The following MINDY4 variants were observed in gnomAD, a reference collection of about 807,000 sequenced individuals.
The protein encoded by MINDY4 is MINDY lysine 48 deubiquitinase 4.
In MINDY4, 68 loss-of-function variants were observed where a neutral mutation model predicts 87.0. The ratio of observed to expected loss-of-function variants is 0.78; its 90% CI spans 0.64 to 0.96. MINDY4 has a LOEUF of 0.96. Ranked by LOEUF, MINDY4 falls within the 40% of genes least tolerant of loss-of-function variation. The pLI is 0.00. For missense variants in MINDY4, 919 were observed against 928.2 expected (o/e 0.99, Z 0.13); for synonymous variants, 379 against 363.2 (o/e 1.04, Z -0.50).
intron 17 of MINDY4, among the ~76,000 whole-genome samples, chr7:30,885,140 A>G (rs928951412): frequency 6.6e-6 from 1 of 152,246 alleles, no homozygotes; most frequent in Non-Finnish European, 1.5e-5. Flanking sequence ...CACAGGGGCT[A>G]AGAGGAGCCC....
In MINDY4 at chr7:30,809,196, G is replaced by A. The variant is rs570474433; in HGVS notation, c.1073+17622G>A. Among the ~76,000 whole-genome samples, 5 of 152,150 alleles carry A rather than the reference G, an allele frequency of 3.3e-5. No individual in the cohort carries two copies. The East Asian group carries it at 5.8e-4, about 18-fold the overall frequency. ...GTCAGTGTAAACAAGGGTGTATCCC[G>A]AAAGCACTGAGGCCTTCCTATCAAA... On this transcript the variant is annotated intron_variant, in intron 5 of 17. Coordinates refer to ENST00000265299, the MANE Select transcript of MINDY4 (RefSeq NM_032222.3).
intron 5 of MINDY4, among the ~76,000 whole-genome samples, chr7:30,821,477 T>C (rs1423148816): frequency 2.0e-5 from 3 of 152,224 alleles, no homozygotes; most frequent in Non-Finnish European, 2.9e-5. Flanking sequence ...TGTAACTGTT[T>C]ATAGGTAATC....
At chr7:30,778,692 C>G in intron 2 of MINDY4, 141 bp downstream of exon 2, 1 of 989,420 alleles carries the variant, frequency 1.0e-6, no homozygotes, top group South Asian at 1.5e-5. Context: ...AACGGACCCC[C>G]CAAATGTGGA....
intron 13 of MINDY4, 24 bp from the exon 14 acceptor site, chr7:30,872,219 A>G (rs371211577): frequency 6.2e-7 from 1 of 1,613,646 alleles, no homozygotes. Flanking sequence ...GAGCTGTGCT[A>G]ACAATGCTTC....
chr7:30,834,983 T>C (rs1371244362), intron 6 of MINDY4, among the ~76,000 whole-genome samples: 2 of 152,232 alleles, frequency 1.3e-5, no homozygotes, highest in Non-Finnish European at 2.9e-5. Flanking sequence ...GTTTCAAACT[T>C]TCCCACATTT....
intron 12 of MINDY4, among the ~76,000 whole-genome samples, chr7:30,856,352 G>A (rs569081974): frequency 1.0e-3 from 154 of 152,188 alleles, no homozygotes; most frequent in Non-Finnish European, 1.7e-3. Context: ...TGGAATATTG[G>A]TGCCATTTAG....
rs775985216 is a variant in MINDY4, at chr7:30,872,323, G to A, written c.1809+17G>A. On this transcript the variant is annotated intron_variant, in intron 14 of 17. Coordinates refer to ENST00000265299, the MANE Select transcript of MINDY4 (RefSeq NM_032222.3). ...TGTACACAGGTCAGGGGGCGCTGTGGGGCCCAGGTGGTCCTTCCCCCTCCT... is the reference window on the plus strand; with the variant it reads ...TGTACACAGGTCAGGGGGCGCTGTGAGGCCCAGGTGGTCCTTCCCCCTCCT... 6.2e-7 allele frequency: 1 copy of A among 1,612,798 alleles called. No homozygotes were observed. The highest frequency in any genetic ancestry group is 1.3e-5 in the African/African-American group (1 of 74,916).
chr7:30,840,555 A>T (rs1788999256), intron 8 of MINDY4, among the ~76,000 whole-genome samples: 1 of 152,166 alleles, frequency 6.6e-6, no homozygotes, highest in Non-Finnish European at 1.5e-5. Context: ...CCCTTCCCCT[A>T]GGAGTGGACA....
intron 13 of MINDY4, among the ~76,000 whole-genome samples, chr7:30,867,899 C>T (rs530661291): frequency 1.5e-4 from 23 of 152,268 alleles, no homozygotes; most frequent in Non-Finnish European, 2.8e-4. Context: ...CACTTGTGCA[C>T]ATCCTAGGAG....
At chr7:30,818,046 TTC>T (rs1436836081) in intron 5 of MINDY4, among the ~76,000 whole-genome samples, 1 of 152,180 alleles carries the variant, frequency 6.6e-6, no homozygotes, top group African/African-American at 2.4e-5. Context: ...GCAGGGATGC[TTC>T]CAATGCCTCA....
chr7:30,828,694 G>T lies in MINDY4; in HGVS notation c.1089G>T (p.Leu363=). 15 of 1,613,930 alleles carry T rather than the reference G, an allele frequency of 9.3e-6. No individual in the cohort carries two copies. The highest frequency in any genetic ancestry group is 1.3e-5 in the Non-Finnish European group (15 of 1,180,026). The change falls in exon 6 of 18, where the codon CTG becomes CTT. Residue 363 remains leucine (L), a synonymous_variant. Transcript: ENST00000265299. Reference sequence around the variant, plus strand: ...TATTTTCCAGGAAAAATCAGTTGCTGCCGTCTGACAAGGTGGATGGTGAGC... The same window carrying T: ...TATTTTCCAGGAAAAATCAGTTGCTTCCGTCTGACAAGGTGGATGGTGAGC... ...QPAPVRKNQL[L]PSDKVDGELG...
At chr7:30,811,719 G>A (rs956122675) in intron 5 of MINDY4, among the ~76,000 whole-genome samples, 1 of 152,170 alleles carries the variant, frequency 6.6e-6, no homozygotes, top group African/African-American at 2.4e-5. Context: ...GAAAAGCACT[G>A]TGAAAATCCC....
At chr7:30,839,098 C>T (rs1483492283) in intron 7 of MINDY4, 102 bp from the exon 8 acceptor site, 1 of 698,888 alleles carries the variant, frequency 1.4e-6, no homozygotes, top group African/African-American at 1.8e-5. Context: ...ATGGGCTTCC[C>T]TGCTAGAATT....
intron 6 of MINDY4, among the ~76,000 whole-genome samples, chr7:30,832,662 A>T (rs915379986): frequency 1.3e-5 from 2 of 152,112 alleles, no homozygotes; most frequent in African/African-American, 4.8e-5. Flanking sequence ...GGCCCGTGCC[A>T]CCACACCTGG....
In MINDY4 at chr7:30,867,591, C is replaced by T. The variant is rs539616920; in HGVS notation, c.1746-4652C>T. 2.0e-5 allele frequency among the ~76,000 whole-genome samples: 3 copies of T among 152,254 alleles called. No homozygotes were observed. The South Asian group carries it at 6.2e-4, about 32-fold the overall frequency. On this transcript the variant is annotated intron_variant, in intron 13 of 17. Transcript: ENST00000265299. ...TGACCAGGGCCCTCTGACTTTAGAGCCCAAGTTCTCTTGGTTGTACCACAG... is the reference window on the plus strand; with the variant it reads ...TGACCAGGGCCCTCTGACTTTAGAGTCCAAGTTCTCTTGGTTGTACCACAG...
intron 3 of MINDY4, 128 bp from the exon 4 acceptor site, chr7:30,785,621 C>T (rs1169003960): frequency 1.8e-6 from 2 of 1,107,200 alleles, no homozygotes; most frequent in Non-Finnish European, 2.6e-6. Context: ...AACGCACTGG[C>T]TGGTTAGAAG....
At chr7:30,782,727 T>A (rs1370714855) in intron 3 of MINDY4, among the ~76,000 whole-genome samples, 3 of 152,110 alleles carry the variant, frequency 2.0e-5, no homozygotes, top group African/African-American at 7.2e-5. Context: ...AAAAAGTTTA[T>A]TTTAAGGAGC....
At chr7:30,783,784 A>C (rs1260631676) in intron 3 of MINDY4, among the ~76,000 whole-genome samples, 2 of 152,218 alleles carry the variant, frequency 1.3e-5, no homozygotes, top group African/African-American at 4.8e-5. Flanking sequence ...CGTAAGGTTC[A>C]AGCACTTGCT....
At chr7:30,844,709 G>A (rs1789152252) in intron 9 of MINDY4, among the ~76,000 whole-genome samples, 1 of 152,166 alleles carries the variant, frequency 6.6e-6, no homozygotes, top group African/African-American at 2.4e-5. Flanking sequence ...TGGTGCCCAG[G>A]CTGGGAGGGG....
Sources: allele counts gnomAD v4.1 joint callset (sites outside exome capture counted in the v4.1 genomes callset), GRCh38; gene constraint gnomAD v4.1.1; transcripts MANE v1.5; gene names NCBI Gene and HGNC (gene_info 2026-07-23, HGNC 2026-07-21).